Variants in CLDN14 observed in about 807,000 individuals in gnomAD.
CLDN14 encodes the protein claudin 14.
CLDN14 carries 2 observed loss-of-function variants against 2.1 expected under a neutral mutation model. That is an observed-to-expected ratio of 0.96 (90% CI 0.39 to 3.01). The LOEUF is 3.01. CLDN14 is among the 30% of genes most tolerant of loss of function. The pLI, the probability that CLDN14 is intolerant of heterozygous loss-of-function variation, is 0.09. For synonymous variants in CLDN14, 136 were observed against 154.4 expected (o/e 0.88, Z 0.88); for missense variants, 298 against 328.0 (o/e 0.91, Z 0.71).
chr21:36,463,600 C>A (rs1358140893), intron 1 of CLDN14, among the ~76,000 whole-genome samples: 1 of 152,170 alleles, frequency 6.6e-6, no homozygotes, highest in Non-Finnish European at 1.5e-5. Flanking sequence ...GTCATCCCAG[C>A]TACTCAGGAG....
chr21:36,512,174 T>C (rs1429586552), intron 1 of CLDN14, among the ~76,000 whole-genome samples: 2 of 152,122 alleles, frequency 1.3e-5, no homozygotes, highest in African/African-American at 2.4e-5. Flanking sequence ...TGCTGTGCCA[T>C]CCTAAGCCTA....
intron 1 of CLDN14, among the ~76,000 whole-genome samples, chr21:36,567,159 G>A (rs999133354): frequency 1.3e-5 from 2 of 152,336 alleles, no homozygotes; most frequent in African/African-American, 4.8e-5. Context: ...AGGCGGCTTG[G>A]AGGCAGAAGC....
chr21:36,491,291 AC>A (rs997461056), intron 2 of CLDN14, among the ~76,000 whole-genome samples: 48 of 152,282 alleles, frequency 3.2e-4, no homozygotes, highest in Admixed American at 3.0e-3. Context: ...GCACTGACTC[AC>A]TGTGTTCAGC....
At chr21:36,521,338 A>G (rs1210021068) in intron 1 of CLDN14, among the ~76,000 whole-genome samples, 1 of 152,160 alleles carries the variant, frequency 6.6e-6, no homozygotes, top group Non-Finnish European at 1.5e-5. Flanking sequence ...GACAGAGAGT[A>G]AAGCTAGGGC....
intron 1 of CLDN14, among the ~76,000 whole-genome samples, chr21:36,549,145 GTT>G (rs778993757): frequency 4.9e-5 from 7 of 142,298 alleles, no homozygotes; most frequent in African/African-American, 7.7e-5. Context: ...CATAGCTGGT[GTT>G]TTTTTTTTTT....
intron 2 of CLDN14, among the ~76,000 whole-genome samples, chr21:36,504,339 GA>G (rs1041109101): frequency 4.0e-5 from 6 of 151,766 alleles, no homozygotes; most frequent in African/African-American, 9.7e-5. Context: ...TTAAAAACAA[GA>G]AAAAAATACA....
intron 1 of CLDN14, among the ~76,000 whole-genome samples, chr21:36,566,584 G>A (rs1377639144): frequency 6.6e-6 from 1 of 152,196 alleles, no homozygotes. Flanking sequence ...CTGCACAAGT[G>A]CTTGCTCTTA....
intron 1 of CLDN14, among the ~76,000 whole-genome samples, chr21:36,547,814 T>A (rs1411596008): frequency 6.6e-6 from 1 of 152,098 alleles, no homozygotes; most frequent in Admixed American, 6.5e-5. Flanking sequence ...CACCCTCTGA[T>A]CCTCCAAAGA....
chr21:36,566,468 A>G (rs1281664223), intron 1 of CLDN14, among the ~76,000 whole-genome samples: 3 of 152,100 alleles, frequency 2.0e-5, no homozygotes, highest in African/African-American at 7.2e-5. Flanking sequence ...TCCGGTTTTC[A>G]CAGAAGCTTT....
chr21:36,481,732 A>T (rs1330791296), upstream of CLDN14, among the ~76,000 whole-genome samples: 1 of 152,178 alleles, frequency 6.6e-6, no homozygotes, highest in Non-Finnish European at 1.5e-5. Flanking sequence ...CTGACCTGTG[A>T]CCCTGGCCCA....
At chr21:36,486,065 G>T (rs766386831) in intron 2 of CLDN14, 6 of 1,404,380 alleles carry the variant, frequency 4.3e-6, no homozygotes, top group Non-Finnish European at 6.0e-6. Flanking sequence ...GTTTCAAATG[G>T]CTTCATTGTT....
At chr21:36,492,032 G>C (rs1001223084) in intron 2 of CLDN14, among the ~76,000 whole-genome samples, 1 of 152,156 alleles carries the variant, frequency 6.6e-6, no homozygotes, top group Non-Finnish European at 1.5e-5. Flanking sequence ...GGCTGACTGC[G>C]GTGGCTCACG....
intron 1 of CLDN14, among the ~76,000 whole-genome samples, chr21:36,468,698 G>A (rs961482751): frequency 6.6e-6 from 1 of 151,966 alleles, no homozygotes; most frequent in Non-Finnish European, 1.5e-5. Context: ...TAACTCTTAC[G>A]CTATGATGTA....
At chr21:36,559,304 C>T (rs966432003) in intron 1 of CLDN14, among the ~76,000 whole-genome samples, 1 of 152,200 alleles carries the variant, frequency 6.6e-6, no homozygotes, top group Admixed American at 6.5e-5. Flanking sequence ...TCAAGTGATT[C>T]TCCTGCCTCA....
At chr21:36,507,621 G>T (rs547102062) in intron 2 of CLDN14, among the ~76,000 whole-genome samples, 1 of 152,266 alleles carries the variant, frequency 6.6e-6, no homozygotes, top group Admixed American at 6.5e-5. Flanking sequence ...AAAATTAGTT[G>T]GGTGTGGTGG....
chr21:36,509,455 G>A (rs2087165052), intron 2 of CLDN14, among the ~76,000 whole-genome samples: 1 of 152,220 alleles, frequency 6.6e-6, no homozygotes, highest in African/African-American at 2.4e-5. Flanking sequence ...TGTTGGCTGA[G>A]GCATTTATTG....
intron 2 of CLDN14, chr21:36,510,331 G>A (rs944217434): frequency 3.9e-5 from 6 of 152,254 alleles, no homozygotes; most frequent in African/African-American, 1.4e-4. Context: ...ATCCCTTGGA[G>A]TCCTCTTTTG....
chr21:36,536,144 G>C (rs543766745), intron 1 of CLDN14, among the ~76,000 whole-genome samples: 1 of 152,204 alleles, frequency 6.6e-6, no homozygotes, highest in East Asian at 1.9e-4. Context: ...TGTCTGTCTG[G>C]GACAGCCCCT....
chr21:36,552,801 C>T (rs417173), intron 1 of CLDN14, among the ~76,000 whole-genome samples: 113,859 of 152,080 alleles, frequency 0.75, 44,110 homozygotes, highest in Non-Finnish European at 0.87. Flanking sequence ...GCACGGGTCT[C>T]GGCTTTGAAA....
Sources: gnomAD v4.1 joint callset for allele counts (sites outside exome capture counted in the v4.1 genomes callset) on GRCh38, gnomAD v4.1.1 for gene constraint, MANE v1.5 for transcripts, NCBI Gene and HGNC (gene_info 2026-07-23, HGNC 2026-07-21) for gene names.